The following RNGTT variants were observed in gnomAD, a reference collection of about 807,000 sequenced individuals.
The protein encoded by RNGTT is mRNA-capping enzyme.
RNGTT carries 33 observed loss-of-function variants against 79.3 expected under a neutral mutation model. That is an observed-to-expected ratio of 0.42 (90% confidence interval 0.32 to 0.56). The LOEUF (loss-of-function observed/expected upper bound fraction) is 0.56. Ranked by LOEUF, RNGTT falls within the 20% of genes least tolerant of loss-of-function variation. The pLI is 0.17. For missense variants in RNGTT, 497 were observed against 739.1 expected, an observed-to-expected ratio of 0.67 and a Z score of 3.80; for synonymous variants, 222 against 235.9, an observed-to-expected ratio of 0.94 and a Z score of 0.54.
At chr6:88,751,746 A>T (rs1303629419) in intron 13 of RNGTT, among the ~76,000 whole-genome samples, 1 of 152,104 alleles carries the variant, frequency 6.6e-6, no homozygotes, top group Non-Finnish European at 1.5e-5. Flanking sequence ...ATGGGCATTT[A>T]AAAAATCTAC....
intron 8 of RNGTT, among the ~76,000 whole-genome samples, chr6:88,877,690 G>A (rs1018047419): frequency 2.6e-5 from 4 of 152,146 alleles, no homozygotes; most frequent in Non-Finnish European, 5.9e-5. Flanking sequence ...CTTGGGGAGG[G>A]AGTCAAAGAG....
chr6:88,875,743 T>C (rs1472986855), intron 8 of RNGTT, among the ~76,000 whole-genome samples: 1 of 152,254 alleles, frequency 6.6e-6, no homozygotes, highest in African/African-American at 2.4e-5. Context: ...TTACTTGTTA[T>C]AACTGTTGCT....
intron 8 of RNGTT, among the ~76,000 whole-genome samples, chr6:88,856,754 G>C (rs1321086): frequency 2.0e-5 from 3 of 151,920 alleles, no homozygotes; most frequent in Non-Finnish European, 4.4e-5. Context: ...CAAAAAGTAA[G>C]GAGCTATTTC....
intron 11 of RNGTT, among the ~76,000 whole-genome samples, chr6:88,826,353 G>T (rs192379080): frequency 2.6e-5 from 4 of 152,274 alleles, no homozygotes; most frequent in African/African-American, 9.6e-5. Context: ...CCTTAGAGAA[G>T]TTAACTTAAA....
At chr6:88,630,714 C>CTT (rs3839425) in intron 14 of RNGTT, among the ~76,000 whole-genome samples, 1 of 146,770 alleles carries the variant, frequency 6.8e-6, no homozygotes, top group African/African-American at 2.5e-5. Flanking sequence ...ACATCTGAGA[C>CTT]TTTTTTTTTT....
chr6:88,816,035 T>C (rs1780304574), intron 11 of RNGTT, among the ~76,000 whole-genome samples: 1 of 152,214 alleles, frequency 6.6e-6, no homozygotes, highest in South Asian at 2.1e-4. Flanking sequence ...CTAAGATTTC[T>C]ATCTAGAATG....
At chr6:88,779,397 G>A (rs922205203) in intron 12 of RNGTT, among the ~76,000 whole-genome samples, 2 of 152,136 alleles carry the variant, frequency 1.3e-5, no homozygotes, top group African/African-American at 4.8e-5. Flanking sequence ...TGATGGTATA[G>A]TTTTAAAATA....
intron 11 of RNGTT, among the ~76,000 whole-genome samples, chr6:88,824,705 C>A (rs1582505998): frequency 6.7e-6 from 1 of 150,196 alleles, no homozygotes; most frequent in African/African-American, 2.4e-5. Flanking sequence ...AACAAGACGC[C>A]AACAAAAAGG....
intron 13 of RNGTT, among the ~76,000 whole-genome samples, chr6:88,763,822 T>A (rs1763576054): frequency 6.6e-6 from 1 of 152,198 alleles, no homozygotes; most frequent in African/African-American, 2.4e-5. Context: ...GCACTATCAG[T>A]GGATACTAAA....
At chr6:88,713,273 C>T (rs1776381075) in intron 13 of RNGTT, among the ~76,000 whole-genome samples, 1 of 139,448 alleles carries the variant, frequency 7.2e-6, no homozygotes, top group African/African-American at 2.7e-5. Context: ...CATATGGAAA[C>T]CAGGACCAGA....
At chr6:88,624,415 CAA>C (rs1448116732) in intron 14 of RNGTT, among the ~76,000 whole-genome samples, 1 of 151,750 alleles carries the variant, frequency 6.6e-6, no homozygotes, top group Non-Finnish European at 1.5e-5. Flanking sequence ...AGAGAGCTCA[CAA>C]ATAAATCCAC....
intron 12 of RNGTT, among the ~76,000 whole-genome samples, chr6:88,771,116 T>A (rs556160303): frequency 6.6e-6 from 1 of 151,742 alleles, no homozygotes; most frequent in African/African-American, 2.4e-5. Flanking sequence ...ATGTCAAAAT[T>A]ATCCATTTAA....
intron 2 of RNGTT, among the ~76,000 whole-genome samples, chr6:88,934,610 T>C (rs1169905566): frequency 1.3e-5 from 2 of 152,204 alleles, no homozygotes; most frequent in African/African-American, 2.4e-5. Context: ...GGTTGTTATT[T>C]CACTCTGTTG....
chr6:88,717,785 C>A (rs542346527), intron 13 of RNGTT, among the ~76,000 whole-genome samples: 1 of 152,212 alleles, frequency 6.6e-6, no homozygotes, highest in Admixed American at 6.5e-5. Flanking sequence ...CTCTAGCTAA[C>A]CACCACAGAA....
intron 14 of RNGTT, among the ~76,000 whole-genome samples, chr6:88,618,557 A>C (rs541335657): frequency 1.3e-5 from 2 of 152,306 alleles, no homozygotes; most frequent in African/African-American, 4.8e-5. Context: ...CCTTGAAAGT[A>C]AAAAGAATAA....
At chr6:88,735,893 G>A (rs1777269625) in intron 13 of RNGTT, among the ~76,000 whole-genome samples, 1 of 151,966 alleles carries the variant, frequency 6.6e-6, no homozygotes, top group South Asian at 2.1e-4. Context: ...CAAAGCCTTG[G>A]TTATTTGAAA....
intron 11 of RNGTT, among the ~76,000 whole-genome samples, chr6:88,834,281 G>A (rs181415907): frequency 1.2e-3 from 185 of 152,140 alleles, no homozygotes; most frequent in Non-Finnish European, 2.1e-3. Context: ...AAATCTTTAC[G>A]TTCACCGTAT....
intron 8 of RNGTT, among the ~76,000 whole-genome samples, chr6:88,887,929 A>G (rs555719001): frequency 6.6e-6 from 1 of 152,324 alleles, no homozygotes; most frequent in African/African-American, 2.4e-5. Context: ...CAGCCTGGGC[A>G]ACATGGCAAG....
At chr6:88,768,139 A>T (rs1417592180) in intron 13 of RNGTT, among the ~76,000 whole-genome samples, 2 of 148,820 alleles carry the variant, frequency 1.3e-5, no homozygotes, top group Admixed American at 6.7e-5. Context: ...ATTTAGGGAT[A>T]GTGTGTGTGT....
Sources: gnomAD v4.1 joint callset for allele counts (sites outside exome capture counted in the v4.1 genomes callset) on GRCh38, gnomAD v4.1.1 for gene constraint, MANE v1.5 for transcripts, NCBI Gene and HGNC (gene_info 2026-07-23, HGNC 2026-07-21) for gene names.